The following NBAS variants were observed in gnomAD, a reference collection of about 807,000 sequenced individuals.
NBAS encodes NBAS subunit of NRZ tethering complex, also known as NAG/BC035112 fusion.
In NBAS, 219 loss-of-function variants were observed where a neutral mutation model predicts 302.5. That is an observed-to-expected ratio of 0.72 (90% CI 0.65 to 0.81). The LOEUF (loss-of-function observed/expected upper bound fraction) is 0.81. NBAS is among the 30% of genes least tolerant of loss of function. The pLI is 0.00. For missense variants in NBAS, 2,932 were observed against 2,841.6 expected (o/e 1.03, Z -0.72); for synonymous variants, 1,118 against 1,021.6 (o/e 1.09, Z -1.80).
chr2:15,178,621 C>T (rs1664665356), intron 51 of NBAS, among the ~76,000 whole-genome samples: 1 of 152,172 alleles, frequency 6.6e-6, no homozygotes, highest in Non-Finnish European at 1.5e-5. Context: ...AGATGGAAAA[C>T]CTGTGCAATG....
chr2:15,218,788 G>A lies in NBAS; in HGVS notation c.6417C>T (p.Ser2139=). Residue 2139 remains serine (S), a synonymous_variant, in exon 48 of 52, where the codon TCC becomes TCT. Coordinates refer to ENST00000281513, the MANE Select transcript of NBAS (RefSeq NM_015909.4). The part of the protein sequence containing the change: ...FFRTEAILKA[S]WPQRQVDIAD... ...ACTCCCTTACCTGTCTCTGGGGCCA[G>A]GAGGCTTTGAGAATGGCTTCAGTTC... is the stretch of plus-strand genomic sequence containing the variant. 6.2e-7 allele frequency: 1 copy of A among 1,614,252 alleles called. No homozygotes were observed.
the NBAS span, among the ~76,000 whole-genome samples, chr2:15,063,407 A>G: frequency 6.6e-6 from 1 of 151,894 alleles, no homozygotes; most frequent in Admixed American, 6.5e-5. Flanking sequence ...TCATGGCCCC[A>G]TCTTTCTTTA....
At chr2:14,988,506 G>T in the NBAS span, among the ~76,000 whole-genome samples, 13 of 152,228 alleles carry the variant, frequency 8.5e-5, no homozygotes, top group East Asian at 2.5e-3. Flanking sequence ...CAATTTCAGG[G>T]TGCTTCGGCT....
intron 47 of NBAS, among the ~76,000 whole-genome samples, chr2:15,229,084 G>A (rs952037406): frequency 2.6e-5 from 4 of 152,082 alleles, no homozygotes. Flanking sequence ...GCTCATGCCT[G>A]TAATCCCAGC....
At chr2:15,374,870 T>C (rs921785392) in intron 30 of NBAS, 150 bp from the exon 31 acceptor site, 12 of 676,718 alleles carry the variant, frequency 1.8e-5, no homozygotes, top group Non-Finnish European at 2.8e-5. Context: ...TTAATCCTCA[T>C]AGCAAGCCTC....
At chr2:15,421,945 G>A (rs887907790) in intron 23 of NBAS, among the ~76,000 whole-genome samples, 1 of 151,996 alleles carries the variant, frequency 6.6e-6, no homozygotes, top group African/African-American at 2.4e-5. Context: ...TTCCCCACCA[G>A]GCCCATGAAC....
chr2:14,895,053 TCAAAAA>T, the NBAS span, among the ~76,000 whole-genome samples: 1 of 151,994 alleles, frequency 6.6e-6, no homozygotes, highest in African/African-American at 2.4e-5. Flanking sequence ...AGACTCCAAC[TCAAAAA>T]CAAAAACAAA....
At chr2:14,816,641 G>A in the NBAS span, among the ~76,000 whole-genome samples, 4 of 152,214 alleles carry the variant, frequency 2.6e-5, no homozygotes, top group African/African-American at 7.2e-5. Flanking sequence ...TTGGCTATCC[G>A]ACTACTATTC....
chr2:15,023,420 T>C, the NBAS span, among the ~76,000 whole-genome samples: 2 of 152,098 alleles, frequency 1.3e-5, no homozygotes, highest in Admixed American at 6.6e-5. Flanking sequence ...AATTTAATAG[T>C]TACATTACGT....
At chr2:15,446,886 G>GA (rs55991796) in intron 21 of NBAS, among the ~76,000 whole-genome samples, 84,838 of 140,994 alleles carry the variant, frequency 0.6, 25,464 homozygotes, top group Non-Finnish European at 0.68. Context: ...CCACTAAAAA[G>GA]AAAAAAAAAA....
At chr2:15,342,966 A>C (rs1672923749) in intron 35 of NBAS, among the ~76,000 whole-genome samples, 1 of 149,854 alleles carries the variant, frequency 6.7e-6, no homozygotes, top group Admixed American at 6.6e-5. Context: ...CTAAATACTG[A>C]GCACAGAAAA....
chr2:15,409,749 G>A (rs1676590972), intron 25 of NBAS, among the ~76,000 whole-genome samples: 1 of 152,068 alleles, frequency 6.6e-6, no homozygotes, highest in African/African-American at 2.4e-5. Context: ...GAGGGGAAGT[G>A]GAGCAAGGCC....
chr2:14,875,045 C>T, the NBAS span, among the ~76,000 whole-genome samples: 1 of 151,960 alleles, frequency 6.6e-6, no homozygotes, highest in Non-Finnish European at 1.5e-5. Flanking sequence ...CTGTAAATAA[C>T]ACTAAGTATA....
At chr2:15,124,098 T>C in the NBAS span, among the ~76,000 whole-genome samples, 4 of 152,184 alleles carry the variant, frequency 2.6e-5, no homozygotes, top group Non-Finnish European at 5.9e-5. Flanking sequence ...GTGGAAGCTA[T>C]TGGGAACTGG....
At chr2:15,356,515 CAG>C (rs1673630886) in intron 32 of NBAS, 99 bp from the exon 33 acceptor site, 1 of 873,836 alleles carries the variant, frequency 1.1e-6, no homozygotes. Flanking sequence ...AAAAATAAAA[CAG>C]AGAGATTACA....
chr2:15,339,914 T>C (rs1419092446), intron 35 of NBAS, among the ~76,000 whole-genome samples: 2 of 139,758 alleles, frequency 1.4e-5, no homozygotes, highest in African/African-American at 2.7e-5. Context: ...GCTTAAAGAA[T>C]GGCAAAAAGG....
chr2:15,052,890 A>C, the NBAS span, among the ~76,000 whole-genome samples: 48 of 152,364 alleles, frequency 3.2e-4, 1 homozygote, highest in African/African-American at 1.7e-4. Context: ...TGAATAACAA[A>C]AAGATTTTTA....
chr2:14,979,322 C>T, the NBAS span, among the ~76,000 whole-genome samples: 1 of 152,030 alleles, frequency 6.6e-6, no homozygotes, highest in Non-Finnish European at 1.5e-5. Flanking sequence ...TGCTAGTGTC[C>T]TCTTAGGAGC....
chr2:15,098,232 TTG>T, the NBAS span, among the ~76,000 whole-genome samples: 8 of 27,694 alleles, frequency 2.9e-4, 3 homozygotes, highest in Non-Finnish European at 4.6e-4. Flanking sequence ...ATATATTATA[TTG>T]TATATAATAT....
Sources: allele counts gnomAD v4.1 joint callset (sites outside exome capture counted in the v4.1 genomes callset), GRCh38; gene constraint gnomAD v4.1.1; transcripts MANE v1.5; gene names NCBI Gene and HGNC (gene_info 2026-07-23, HGNC 2026-07-21).